Variants in ETFA observed in about 807,000 individuals in gnomAD.
The protein encoded by ETFA is electron transfer flavoprotein subunit alpha, mitochondrial.
In ETFA, 22 loss-of-function variants were observed where a neutral mutation model predicts 46.2. That is an observed-to-expected ratio of 0.48 (90% CI 0.34 to 0.68). ETFA has a LOEUF of 0.68. Ranked by LOEUF, ETFA falls within the 30% of genes least tolerant of loss-of-function variation. The probability of loss-of-function intolerance (pLI) is 0.01; values close to 1 mark genes in which losing one functional copy is unlikely to be tolerated. For missense variants in ETFA, 345 were observed against 401.1 expected (o/e 0.86, Z 1.19); for synonymous variants, 131 against 139.9 (o/e 0.94, Z 0.45).
At chr15:76,266,658 C>T (rs1270631327) in intron 9 of ETFA, among the ~76,000 whole-genome samples, 2 of 152,184 alleles carry the variant, frequency 1.3e-5, no homozygotes, top group Admixed American at 1.3e-4. Context: ...AATCCCAGCA[C>T]TTTGGGAGGC....
chr15:76,222,573 T>G (rs1233429995), intron 11 of ETFA, among the ~76,000 whole-genome samples: 1 of 152,142 alleles, frequency 6.6e-6, no homozygotes, highest in East Asian at 1.9e-4. Context: ...TTACTGCACC[T>G]TATCCAAGGT....
intron 9 of ETFA, chr15:76,259,795 G>A (rs2039385532): frequency 1.2e-6 from 2 of 1,603,524 alleles, no homozygotes; most frequent in East Asian, 2.2e-5. Flanking sequence ...CCATGCTGCA[G>A]GCAATGTCCA....
At chr15:76,292,831 C>T (rs991760591) in intron 2 of ETFA, 131 bp from the exon 3 acceptor site, 161 of 751,196 alleles carry the variant, frequency 2.1e-4, no homozygotes, top group South Asian at 2.7e-4. Context: ...AGCAAAAGGG[C>T]CAGTTAAGAA....
intron 9 of ETFA, among the ~76,000 whole-genome samples, chr15:76,273,567 C>T (rs781187923): frequency 1.1e-3 from 169 of 151,300 alleles, no homozygotes; most frequent in Non-Finnish European, 1.6e-3. Context: ...CAAAACAAAA[C>T]AAAACAAAAC....
Position 76,295,981 on chromosome 15 carries a change from G to A in ETFA, c.40-244C>T, listed in dbSNP as rs7173941. Among the ~76,000 whole-genome samples, 1,921 of 41,866 alleles carry A rather than the reference G, an allele frequency of 0.046. 61 individuals carry two copies. The highest frequency in any genetic ancestry group is 0.15 in the Middle Eastern group (3 of 20). 27.5% of individuals were successfully genotyped at this position (41,866 alleles called of 152,430 possible). A position where few individuals can be genotyped will look rare whatever the true frequency, so the allele number is the denominator to read the frequency against. On this transcript the variant is annotated intron_variant, in intron 1 of 11. Transcript: ENST00000557943. ...TTTTGAGATGGAGTCTCGCTCTGTC[G>A]CCCAGGCTGGAGTGCAGTGGCGCGT...
At chr15:76,266,894 A>T (rs1410034795) in intron 9 of ETFA, among the ~76,000 whole-genome samples, 30 of 144,464 alleles carry the variant, frequency 2.1e-4, no homozygotes, top group Non-Finnish European at 1.5e-5. Flanking sequence ...ACAAAGCGAG[A>T]CTCCGTTTAA....
chr15:76,228,746 TA>T (rs2039031084), intron 10 of ETFA: 1 of 170,186 alleles, frequency 5.9e-6, no homozygotes, highest in African/African-American at 2.5e-5. Flanking sequence ...ATATTATTAT[TA>T]TTACTTTTTT....
chr15:76,241,308 C>T (rs1219617936), intron 9 of ETFA, among the ~76,000 whole-genome samples: 5 of 151,372 alleles, frequency 3.3e-5, no homozygotes, highest in Non-Finnish European at 7.4e-5. Flanking sequence ...TGAGACCAGC[C>T]TAGGCAACAC....
rs2039011138 is a variant in ETFA at position 76,227,005 on chromosome 15, A to C, written c.883-1076T>G. Among the ~76,000 whole-genome samples the C allele has an allele frequency of 4.6e-5, 7 of 152,252 alleles. 1 individual carries two copies. The South Asian group carries it at 1.4e-3, about 32-fold the overall frequency. The stretch of plus-strand genomic sequence containing the variant: ...TTAGTAAGGGACGTTAAACAGCTTT[A>C]AGTCCTTATGTACATAGCAAATAGA... On this transcript the variant is annotated intron_variant, in intron 10 of 11. Coordinates refer to ENST00000557943, the MANE Select transcript of ETFA (RefSeq NM_000126.4).
intron 9 of ETFA, among the ~76,000 whole-genome samples, chr15:76,272,379 C>T (rs1040011401): frequency 6.6e-6 from 1 of 152,066 alleles, no homozygotes; most frequent in Non-Finnish European, 1.5e-5. Flanking sequence ...TGCCACCACA[C>T]CCAGCTAATT....
intron 1 of ETFA, among the ~76,000 whole-genome samples, chr15:76,299,708 G>A (rs73453361): frequency 0.098 from 14,961 of 152,150 alleles, 902 homozygotes; most frequent in Non-Finnish European, 0.13. Flanking sequence ...ACTCAACATA[G>A]AAATTCCTGT....
intron 8 of ETFA, among the ~76,000 whole-genome samples, chr15:76,278,183 C>T (rs1276731896): frequency 1.3e-5 from 2 of 152,144 alleles, no homozygotes; most frequent in Non-Finnish European, 2.9e-5. Flanking sequence ...GCTTGCCCAC[C>T]ACCCTACCTC....
At chr15:76,286,582 A>G in intron 5 of ETFA, 101 bp from the exon 6 acceptor site, 1 of 759,362 alleles carries the variant, frequency 1.3e-6, no homozygotes, top group Non-Finnish European at 2.4e-6. Context: ...GCAAGAAATA[A>G]CTATTGACCA....
chr15:76,230,607 C>T (rs545600004), intron 10 of ETFA: 1 of 139,768 alleles, frequency 7.2e-6, no homozygotes, highest in East Asian at 2.2e-4. Context: ...GCCATCATGC[C>T]TGGCTAATTT....
At chr15:76,259,019 C>A (rs933240947) in intron 9 of ETFA, 1 of 1,607,254 alleles carries the variant, frequency 6.2e-7, no homozygotes, top group African/African-American at 1.3e-5. Flanking sequence ...GCCCTTGCTG[C>A]AGCAGCAAAA....
At chr15:76,288,472 G>C (rs2039722464) in intron 4 of ETFA, among the ~76,000 whole-genome samples, 2 of 152,226 alleles carry the variant, frequency 1.3e-5, no homozygotes, top group South Asian at 4.2e-4. Context: ...AGCACTTTGG[G>C]AGGCTGAGGA....
rs186616922 is a variant in ETFA, at chr15:76,227,816, A to G, written c.883-1887T>C. On this transcript the variant is annotated intron_variant, in intron 10 of 11. Coordinates refer to ENST00000557943, the MANE Select transcript of ETFA (RefSeq NM_000126.4). ...GCTACAGGATATCCAACATCTGTGT[A>G]TTTCCCTTAGAGGGGTTCCTCAGAG... The G allele has an allele frequency of 1.7e-4, 79 of 456,108 alleles. No individual in the cohort carries two copies. In the East Asian group the frequency reaches 5.5e-3, roughly 32 times the overall value. The allele number at this position is 456,108 out of a possible 1,614,324, so 28.3% of individuals were successfully genotyped here.
At chr15:76,272,410 C>G (rs185878681) in intron 9 of ETFA, among the ~76,000 whole-genome samples, 2 of 151,856 alleles carry the variant, frequency 1.3e-5, no homozygotes, top group African/African-American at 2.4e-5. Flanking sequence ...TTAGTAGAGA[C>G]GGGGTTTCAC....
At chr15:76,295,518 TTC>T in intron 2 of ETFA, 71 bp downstream of exon 2, 1 of 1,321,748 alleles carries the variant, frequency 7.6e-7, no homozygotes, top group South Asian at 1.2e-5. Context: ...CTAAGCATAA[TTC>T]TCTGTTGCCA....
Sources: gnomAD v4.1 joint callset for allele counts (sites outside exome capture counted in the v4.1 genomes callset) on GRCh38, gnomAD v4.1.1 for gene constraint, MANE v1.5 for transcripts, NCBI Gene and HGNC (gene_info 2026-07-23, HGNC 2026-07-21) for gene names.